TPR: variants seen among roughly 807,000 people sequenced by gnomAD.
TPR encodes the protein translocated promoter region, nuclear basket protein.
Under a neutral mutation model 316.1 loss-of-function variants are expected in TPR, and 51 were observed. The ratio of observed to expected loss-of-function variants is 0.16; its 90% CI spans 0.13 to 0.20. TPR has a LOEUF of 0.20. TPR is among the 10% of genes least tolerant of loss of function. The pLI is 1.00. For missense variants in TPR, 2,272 were observed against 2,754.8 expected (o/e 0.82, Z 3.92); for synonymous variants, 981 against 914.7 (o/e 1.07, Z -1.31).
At chr1:186,314,177 C>T in intron 50 of TPR, 151 bp from the exon 51 acceptor site, 1 of 621,818 alleles carries the variant, frequency 1.6e-6, no homozygotes, top group East Asian at 2.8e-5. Flanking sequence ...TTATTACAAG[C>T]AGATTAATCC....
At chr1:186,334,738 T>TG (rs1482396059) in intron 35 of TPR, among the ~76,000 whole-genome samples, 1 of 152,130 alleles carries the variant, frequency 6.6e-6, no homozygotes, top group Non-Finnish European at 1.5e-5. Context: ...ATCTAGCTGT[T>TG]GAATTGCTGA....
At chr1:186,316,395 A>G (rs1657613577) in intron 49 of TPR, among the ~76,000 whole-genome samples, 1 of 152,236 alleles carries the variant, frequency 6.6e-6, no homozygotes. Context: ...GATGTGTCAC[A>G]TCAAAGCAGC....
chr1:186,347,464 A>AG lies in TPR; in HGVS notation c.2777-7dup. 6.2e-7 allele frequency: 1 copy of AG among 1,613,118 alleles called. No homozygotes were observed. The highest frequency in any genetic ancestry group is 8.5e-7 in the Non-Finnish European group (1 of 1,179,608). On this transcript the variant is annotated splice_region_variant and splice_polypyrimidine_tract_variant and intron_variant, in intron 21 of 50. Coordinates refer to ENST00000367478, the MANE Select transcript of TPR (RefSeq NM_003292.3). Reference sequence around the variant, plus strand: ...TTCTTTGTTGCTAGGCTGACCTAAAAGACATAACAGCTCTGTTAAAATTAA... The same window carrying AG: ...TTCTTTGTTGCTAGGCTGACCTAAAAGGACATAACAGCTCTGTTAAAATTAA...
At chr1:186,323,977 A>G (rs1001727457) in intron 42 of TPR, 107 bp from the exon 43 acceptor site, 2 of 1,169,730 alleles carry the variant, frequency 1.7e-6, no homozygotes, top group Non-Finnish European at 2.4e-6. Context: ...CACCGTACGA[A>G]TATTTTCAGA....
intron 31 of TPR, 75 bp downstream of exon 31, chr1:186,337,958 T>C: frequency 4.8e-6 from 6 of 1,260,902 alleles, no homozygotes; most frequent in Non-Finnish European, 6.4e-6. Flanking sequence ...CTAGTAATAT[T>C]CAAAATTACA....
intron 37 of TPR, 151 bp downstream of exon 37, chr1:186,332,971 T>G: frequency 1.2e-6 from 1 of 866,806 alleles, no homozygotes; most frequent in African/African-American, 1.7e-5. Context: ...AGAATACTTG[T>G]GATACGTATT....
intron 26 of TPR, 91 bp downstream of exon 26, chr1:186,343,815 C>A (rs928517901): frequency 1.8e-6 from 2 of 1,119,010 alleles, no homozygotes; most frequent in South Asian, 1.7e-5. Context: ...ATATCAAAAT[C>A]GTGTATAATC....
At position 186,343,372 on chromosome 1, in the gene TPR, A is replaced by T. The variant is rs1262980797; in HGVS notation, c.3704T>A (p.Leu1235Gln). The T allele has an allele frequency of 6.2e-7, 1 of 1,614,088 alleles. No individual in the cohort carries two copies. Among genetic ancestry groups the T allele is most frequent in the Non-Finnish European group, 8.5e-7 (1 of 1,179,980 alleles). Residue 1235 changes from leucine (L) to glutamine (Q), a missense_variant, in exon 27 of 51, where the codon CTG becomes CAG. Around this residue, in one of 10 missense-constraint regions of TPR, gnomAD observed 757 missense variants for 859.8 expected, o/e 0.88. Coordinates refer to ENST00000367478, the MANE Select transcript of TPR (RefSeq NM_003292.3). Reference sequence around the variant, plus strand: ...ATTTAGACTATCTTGCAGTTCCTGCAGCTCTCTTTCTAAAAGTTCAACCCT... The same window carrying T: ...ATTTAGACTATCTTGCAGTTCCTGCTGCTCTCTTTCTAAAAGTTCAACCCT... ...RQRVELLERE[L>Q]QELQDSLNAE...
Position 186,363,433 on chromosome 1 carries a change from C to A in TPR, c.440G>T (p.Arg147Leu), listed in dbSNP as rs373620741. The change falls in exon 5 of 51, where the codon CGT becomes CTT. Residue 147 changes from arginine (R) to leucine (L), a missense_variant. Physicochemically the swap from Arg to Leu is moderately radical, Grantham distance 102 (BLOSUM62 -2). Around this residue, in one of 10 missense-constraint regions of TPR, gnomAD observed 549 missense variants for 598.6 expected, o/e 0.92. Coordinates refer to ENST00000367478, the MANE Select transcript of TPR (RefSeq NM_003292.3). ...ELEYLTEDVK[R>L]LNEKLKESNT... ...GCTTTCTTTAAGTTTTTCATTCAGA[C>A]GTTTAACATCCTCTAGAATGGTGAA... 6.2e-7 allele frequency: 1 copy of A among 1,607,634 alleles called. No homozygotes were observed. Among genetic ancestry groups the A allele is most frequent in the Non-Finnish European group, 8.5e-7 (1 of 1,174,948 alleles).
At chr1:186,356,537 T>C in intron 14 of TPR, 88 bp from the exon 15 acceptor site, 1 of 1,269,550 alleles carries the variant, frequency 7.9e-7, no homozygotes, top group Non-Finnish European at 1.1e-6. Context: ...CATCTTTGCC[T>C]ACCATTCATC....
intron 35 of TPR, among the ~76,000 whole-genome samples, 182 bp from the exon 36 acceptor site, chr1:186,334,715 C>T (rs1658285700): frequency 6.6e-6 from 1 of 152,144 alleles, no homozygotes; most frequent in Non-Finnish European, 1.5e-5. Flanking sequence ...TGCATCCTGA[C>T]AATGTAAAAT....
rs902587086 is a variant in TPR, at chr1:186,312,056, T to G, written c.*1915A>C. 29 of 773,148 alleles carry G rather than the reference T, an allele frequency of 3.8e-5. No individual in the cohort carries two copies. The highest frequency in any genetic ancestry group is 6.2e-5 in the Non-Finnish European group (29 of 465,644). The allele number at this position is 773,148 out of a possible 1,614,324, so 47.9% of individuals were successfully genotyped here. The stretch of plus-strand genomic sequence containing the variant: ...CTAATAGCCATTATTAATATCAATA[T>G]ATTATATGAAAAATGAGAACAAAAC... On this transcript the variant is annotated 3_prime_UTR_variant, in exon 51 of 51. Transcript: ENST00000367478.
Position 186,327,495 on chromosome 1 carries a change from C to T in TPR, c.5854G>A (p.Glu1952Lys), listed in dbSNP as rs768770975. The T allele has an allele frequency of 2.5e-6, 4 of 1,610,366 alleles. No homozygotes were observed. ...DVIVIDSDDE[E>K]EDDDENDGEH... is the part of the protein sequence containing the mutation. ...CCATCATTTTCATCATCATCCTCTT[C>T]TTCATCATCACTGTCAATTACAATG... is the stretch of plus-strand genomic sequence containing the variant. Residue 1952 changes from glutamate to lysine, a missense_variant, in exon 40 of 51, where the codon GAA becomes AAA. Transcript: ENST00000367478.
At chr1:186,333,031 AAAG>A in intron 37 of TPR, 88 bp downstream of exon 37, 1 of 1,441,632 alleles carries the variant, frequency 6.9e-7, no homozygotes, top group Non-Finnish European at 9.3e-7. Context: ...TCATTTGTAC[AAAG>A]AATACTCAAG....
At chr1:186,330,365 G>A (rs1451398967) in intron 39 of TPR, among the ~76,000 whole-genome samples, 2 of 152,022 alleles carry the variant, frequency 1.3e-5, no homozygotes, top group Non-Finnish European at 2.9e-5. Flanking sequence ...GAGAGCACTG[G>A]CAAGGAACTG....
chr1:186,331,115 T>G (rs1004967577), intron 39 of TPR, among the ~76,000 whole-genome samples: 47 of 152,098 alleles, frequency 3.1e-4, no homozygotes, highest in Non-Finnish European at 4.4e-5. Context: ...TATGGATTAC[T>G]TTAATTCTGT....
rs1658828048 is a variant in TPR, at chr1:186,350,504, C to T, written c.2611-116G>A. ...AAGAGAGTAACAGAAAACAGATTTA[C>T]CGTCACACCTGAAACAGCCAAAAAA... On this transcript the variant is annotated intron_variant, in intron 20 of 50. Coordinates refer to ENST00000367478, the MANE Select transcript of TPR (RefSeq NM_003292.3). 5.3e-6 allele frequency: 4 copies of T among 752,076 alleles called. No individual in the cohort carries two copies. The East Asian group carries it at 1.2e-4, about 23-fold the overall frequency. 46.6% of individuals were successfully genotyped at this position (752,076 alleles called of 1,614,324 possible).
intron 3 of TPR, among the ~76,000 whole-genome samples, chr1:186,369,547 T>C (rs1659455937): frequency 6.6e-6 from 1 of 152,132 alleles, no homozygotes; most frequent in Non-Finnish European, 1.5e-5. Context: ...AGCTAGGTCA[T>C]TGTTTGTGTA....
chr1:186,360,889 T>C lies in TPR; in HGVS notation c.975A>G (p.Gln325=). 1 of 1,610,012 alleles carries C rather than the reference T, an allele frequency of 6.2e-7. No homozygotes were observed. The highest frequency in any genetic ancestry group is 8.5e-7 in the Non-Finnish European group (1 of 1,178,456). ...KEAGEANKAI[Q]DHLLEVEQSK... is the part of the protein sequence containing the mutation. Reference sequence around the variant, plus strand: ...ATTGCTCCACCTCTAGAAGATGATCTTGTATTGCTTTGTTGGCTAAAAAAC... The same window carrying C: ...ATTGCTCCACCTCTAGAAGATGATCCTGTATTGCTTTGTTGGCTAAAAAAC... Residue 325 remains glutamine, a synonymous_variant, in exon 10 of 51, where the codon CAA becomes CAG. Coordinates refer to ENST00000367478, the MANE Select transcript of TPR (RefSeq NM_003292.3).
Sources: gnomAD v4.1 joint callset for allele counts (sites outside exome capture counted in the v4.1 genomes callset) on GRCh38, gnomAD v4.1.1 for gene constraint, gnomAD v4.1.1 regional missense constraint, MANE v1.5 for transcripts, NCBI Gene and HGNC (gene_info 2026-07-23, HGNC 2026-07-21) for gene names.